The following FRMD8 variants were observed in gnomAD, a reference collection of about 807,000 sequenced individuals.
FRMD8 encodes the protein FERM domain containing 8, also known as FERM domain-containing protein 8.
In FRMD8, 37 loss-of-function variants were observed where a neutral mutation model predicts 54.2. The observed-to-expected ratio is 0.68, with a 90% CI of 0.53 to 0.90. The LOEUF (loss-of-function observed/expected upper bound fraction) is 0.90. Among genes scored for constraint, FRMD8 ranks in the 40% least tolerant of loss-of-function variants. FRMD8 has a pLI of 0.00. For synonymous variants in FRMD8, 246 were observed against 286.9 expected (o/e 0.86, Z 1.44); for missense variants, 585 against 653.7 (o/e 0.89, Z 1.15).
At chr11:65,379,416 A>G in the FRMD8 span, 9,963 of 1,612,850 alleles carry the variant, frequency 6.2e-3, 588 homozygotes, top group African/African-American at 0.12. Flanking sequence ...GAAGATGTGC[A>G]TGTAGCTGGG....
chr11:65,411,167 C>A (rs1279260863), intron 10 of FRMD8, 75 bp from the exon 11 acceptor site: 6 of 1,263,382 alleles, frequency 4.7e-6, no homozygotes, highest in Admixed American at 4.3e-5. Flanking sequence ...GGAGCCAGAA[C>A]CTGGCTTCCT....
chr11:65,374,333 CATGTGCCCAGGTGGAGCAGGGTAGCT>C, the FRMD8 span, among the ~76,000 whole-genome samples: 16 of 148,090 alleles, frequency 1.1e-4, no homozygotes, highest in Middle Eastern at 3.8e-3. Context: ...GCAGGGTAGC[CATGTGCCCAGGTGGAGCAGGGTAGCT>C]AAGTAACTGG....
At position 65,399,945 on chromosome 11, in the gene FRMD8, C is replaced by T. The variant is rs1005494456; in HGVS notation, c.927+86C>T. On this transcript the variant is annotated intron_variant, in intron 8 of 10. Coordinates refer to ENST00000317568, the MANE Select transcript of FRMD8 (RefSeq NM_031904.5). Reference sequence around the variant, plus strand: ...CCTGGTTCCTCTGGGCCTGTGGGGGCCTGGGGGCAAGGTGGATGGACTGTC... The same window carrying T: ...CCTGGTTCCTCTGGGCCTGTGGGGGTCTGGGGGCAAGGTGGATGGACTGTC... 2.7e-6 allele frequency: 4 copies of T among 1,498,064 alleles called. No homozygotes were observed. The Admixed American group carries it at 6.1e-5, about 23-fold the overall frequency. 92.8% of individuals were successfully genotyped at this position (1,498,064 alleles called of 1,614,324 possible).
At chr11:65,377,139 T>A in the FRMD8 span, 1 of 1,548,532 alleles carries the variant, frequency 6.5e-7, no homozygotes. Context: ...GCCCCTTATA[T>A]TCACAAGAGG....
intron 4 of FRMD8, 94 bp from the exon 5 acceptor site, chr11:65,393,947 G>A: frequency 6.0e-6 from 8 of 1,326,822 alleles, no homozygotes; most frequent in Non-Finnish European, 8.6e-6. Flanking sequence ...CAGCCCTGGT[G>A]GGTGAGGTTG....
intron 9 of FRMD8, among the ~76,000 whole-genome samples, chr11:65,401,903 C>CA (rs1447407129): frequency 6.7e-6 from 1 of 148,964 alleles, no homozygotes; most frequent in Non-Finnish European, 1.5e-5. Context: ...CCCAAGACCA[C>CA]AAAGATTTTC....
intron 7 of FRMD8, 93 bp from the exon 8 acceptor site, chr11:65,399,640 ACAG>A: frequency 6.7e-7 from 1 of 1,486,502 alleles, no homozygotes; most frequent in Non-Finnish European, 9.1e-7. Context: ...AGTCACCCAA[ACAG>A]CAGAAGTTCC....
Position 65,405,015 on chromosome 11 carries a change from G to T in FRMD8, c.1223G>T (p.Ser408Ile). Residue 408 changes from serine to isoleucine, a missense_variant, in exon 10 of 11, where the codon AGT becomes ATT. Ser to Ile is a moderately radical substitution (Grantham distance 142). Transcript: ENST00000317568. ...VQRPKLRRQG[S>I]VVSSRIQHLS... ...CGCCCCAAGCTGCGGAGGCAGGGCA[G>T]TGTGGTGTCCAGCCGGATCCAGCAT... The T allele has an allele frequency of 6.2e-7, 1 of 1,613,420 alleles. No homozygotes were observed. The highest frequency in any genetic ancestry group is 8.5e-7 in the Non-Finnish European group (1 of 1,180,042).
At chr11:65,380,637 T>C in the FRMD8 span, 2 of 1,289,116 alleles carry the variant, frequency 1.6e-6, no homozygotes, top group Admixed American at 2.3e-5. Context: ...AGGGCCCTGA[T>C]GGGGGTCATG....
chr11:65,409,178 C>T (rs1428906701), intron 10 of FRMD8, among the ~76,000 whole-genome samples: 5 of 152,192 alleles, frequency 3.3e-5, no homozygotes, highest in African/African-American at 9.6e-5. Flanking sequence ...CTCTGCCTCC[C>T]GGGTTCAAGT....
chr11:65,408,144 G>A (rs1453161470), intron 10 of FRMD8, among the ~76,000 whole-genome samples: 2 of 149,404 alleles, frequency 1.3e-5, no homozygotes, highest in East Asian at 2.0e-4. Flanking sequence ...GTGCGATATC[G>A]GCTCACCGCA....
rs569323385 is a variant in FRMD8, at chr11:65,387,092, G to A, written c.56G>A (p.Arg19Gln). ...CCCGGCCCCGCTGAGCGATCCCACC[G>A]AAGCAGCGTGTCCTCCGTGGGAGCC... ...GQPGPAERSH[R>Q]SSVSSVGARA... Residue 19 changes from arginine (R) to glutamine (Q), a missense_variant, in exon 2 of 11, where the codon CGA (arginine) becomes CAA (glutamine). Transcript: ENST00000317568. 2.9e-5 allele frequency: 47 copies of A among 1,607,752 alleles called. No individual in the cohort carries two copies. The South Asian group carries it at 4.9e-4, about 17-fold the overall frequency.
chr11:65,394,130 G>T, intron 5 of FRMD8, 31 bp downstream of exon 5: 1 of 1,612,236 alleles, frequency 6.2e-7, no homozygotes, highest in Non-Finnish European at 8.5e-7. Flanking sequence ...GCCCCACCAG[G>T]CCTGGCCCCT....
chr11:65,408,941 C>T (rs957658048), intron 10 of FRMD8, among the ~76,000 whole-genome samples: 2 of 151,766 alleles, frequency 1.3e-5, no homozygotes, highest in African/African-American at 2.4e-5. Flanking sequence ...CTTTTCATAC[C>T]TGCCACCTTC....
intron 6 of FRMD8, among the ~76,000 whole-genome samples, chr11:65,394,725 C>T (rs1183797921): frequency 6.6e-6 from 1 of 152,184 alleles, no homozygotes; most frequent in African/African-American, 2.4e-5. Context: ...AGGGACCACC[C>T]AGATACTGAC....
chr11:65,393,787 G>T, intron 4 of FRMD8, 113 bp downstream of exon 4: 4 of 928,246 alleles, frequency 4.3e-6, no homozygotes, highest in Non-Finnish European at 6.6e-6. Flanking sequence ...GAGGGGCAGG[G>T]CCTGCATCTC....
At chr11:65,380,050 T>G in the FRMD8 span, 1 of 1,584,452 alleles carries the variant, frequency 6.3e-7, no homozygotes, top group Non-Finnish European at 8.7e-7. Flanking sequence ...AAAGGCAAGA[T>G]TAGCCAGGCC....
chr11:65,379,388 C>A, the FRMD8 span: 1 of 1,610,162 alleles, frequency 6.2e-7, no homozygotes, highest in South Asian at 1.1e-5. Context: ...GCAGGAACCC[C>A]CCGGTGCAGC....
chr11:65,393,740 C>T, intron 4 of FRMD8, 66 bp downstream of exon 4: 1 of 1,349,986 alleles, frequency 7.4e-7, no homozygotes, highest in Non-Finnish European at 1.0e-6. Context: ...GGCTCCCAGC[C>T]CAGCCAGGGC....
Sources: gnomAD v4.1 joint callset for allele counts (sites outside exome capture counted in the v4.1 genomes callset) on GRCh38, gnomAD v4.1.1 for gene constraint, MANE v1.5 for transcripts, NCBI Gene and HGNC (gene_info 2026-07-23, HGNC 2026-07-21) for gene names.